STARD9: variants seen among roughly 807,000 people sequenced by gnomAD.
STARD9 encodes stAR-related lipid transfer protein 9.
In STARD9, 346 loss-of-function variants were observed where a neutral mutation model predicts 399.8. That is an observed-to-expected ratio of 0.87 (90% CI 0.79 to 0.95). STARD9 has a LOEUF of 0.95. Ranked by LOEUF, STARD9 falls within the 40% of genes least tolerant of loss-of-function variation. STARD9 has a pLI of 0.00. For synonymous variants in STARD9, 2,203 were observed against 2,143.5 expected (o/e 1.03, Z -0.77); for missense variants, 5,832 against 5,667.5 (o/e 1.03, Z -0.93).
chr15:42,601,846 A>T (rs1177479703), intron 3 of STARD9, among the ~76,000 whole-genome samples: 3 of 151,996 alleles, frequency 2.0e-5, no homozygotes, highest in Non-Finnish European at 4.4e-5. Context: ...ATTTTACTTT[A>T]TTTTATTTAT....
In STARD9 at chr15:42,684,196, C is replaced by T; in HGVS notation, c.2618C>T (p.Ser873Leu). ...PTHQTSEKTS[S>L]EEHLPQAASY... ...CACCAAACATCAGAGAAAACATCATCAGAAGAGCATTTGCCACAGGCTGCT... is the reference window on the plus strand; with the variant it reads ...CACCAAACATCAGAGAAAACATCATTAGAAGAGCATTTGCCACAGGCTGCT... The change falls in exon 23 of 33, where the codon TCA (serine) becomes TTA (leucine). Residue 873 changes from serine (S) to leucine (L), a missense_variant. Physicochemically the swap from Ser to Leu is moderately radical, Grantham distance 145 (BLOSUM62 -2). Transcript: ENST00000290607. 6.5e-7 allele frequency: 1 copy of T among 1,537,308 alleles called. No individual in the cohort carries two copies. Among genetic ancestry groups the T allele is most frequent in the Non-Finnish European group, 8.7e-7 (1 of 1,146,920 alleles).
intron 16 of STARD9, chr15:42,670,820 T>C (rs2060189170): frequency 6.6e-6 from 1 of 152,232 alleles, no homozygotes; most frequent in African/African-American, 2.4e-5. Flanking sequence ...TGAAAGTGCC[T>C]GAGGCAGAAG....
rs1341066586 is a variant in STARD9, at chr15:42,718,400, G to A, written c.13763-35G>A. Reference sequence around the variant, plus strand: ...AGGCTTTAGGACTAGGTCTGTCCATGGGCCTCCTGACCTTCCTTATCCCTG... The same window carrying A: ...AGGCTTTAGGACTAGGTCTGTCCATAGGCCTCCTGACCTTCCTTATCCCTG... On this transcript the variant is annotated intron_variant, in intron 30 of 32. Transcript: ENST00000290607. The A allele has an allele frequency of 3.3e-6, 5 of 1,506,698 alleles. No homozygotes were observed. In the African/African-American group the frequency reaches 6.9e-5, roughly 21 times the overall value. The allele number at this position is 1,506,698 out of a possible 1,614,324, so 93.3% of individuals were successfully genotyped here.
chr15:42,707,468 CTTT>C (rs544507849), intron 26 of STARD9, among the ~76,000 whole-genome samples: 71 of 134,620 alleles, frequency 5.3e-4, no homozygotes, highest in Non-Finnish European at 5.2e-4. Flanking sequence ...GAGTGAAAAA[CTTT>C]TTTTTTTTTT....
chr15:42,661,109 A>G (rs1040560227), intron 9 of STARD9, 49 bp from the exon 10 acceptor site: 1 of 1,372,584 alleles, frequency 7.3e-7, no homozygotes, highest in Non-Finnish European at 1.0e-6. Flanking sequence ...TAAGGGGAAA[A>G]CAATACAAAT....
At chr15:42,710,851 ATC>A (rs1025181815) in intron 26 of STARD9, among the ~76,000 whole-genome samples, 2 of 139,846 alleles carry the variant, frequency 1.4e-5, no homozygotes, top group African/African-American at 5.4e-5. Context: ...TCCCATTTCT[ATC>A]TCTGTCTTCA....
chr15:42,703,012 C>A (rs2140343483), intron 26 of STARD9, among the ~76,000 whole-genome samples: 1 of 152,046 alleles, frequency 6.6e-6, no homozygotes, highest in Non-Finnish European at 1.5e-5. Context: ...CCAGGCTGGT[C>A]TTGAACTTCT....
At chr15:42,701,770 T>G (rs1236394947) in intron 26 of STARD9, among the ~76,000 whole-genome samples, 2 of 151,778 alleles carry the variant, frequency 1.3e-5, no homozygotes, top group Non-Finnish European at 2.9e-5. Context: ...TGAGGCAGGC[T>G]GATCACAAAG....
rs1402411783 is a variant in STARD9 at position 42,675,677 on chromosome 15, C to CCTGGGGAAGGCA, written c.1703_1714dup (p.Leu568_Ala571dup). On this transcript the variant is annotated inframe_insertion, in exon 19 of 33. Coordinates refer to ENST00000290607, the MANE Select transcript of STARD9 (RefSeq NM_020759.3). ...TCTGTGCTGCAGGAGCTGTCATAAC[C>CCTGGGGAAGGCA]CTGGGGAAGGCACAGAAGTTCCGAT... The CCTGGGGAAGGCA allele has an allele frequency of 6.5e-7, 1 of 1,536,932 alleles. No homozygotes were observed. Among genetic ancestry groups the CCTGGGGAAGGCA allele is most frequent in the Admixed American group, 2.0e-5 (1 of 50,986 alleles).
chr15:42,585,514 A>T lies in STARD9; in HGVS notation c.118-7A>T, dbSNP rs1289246089. ...GAAAAGACACTGGATCCTATGTTTG[A>T]TTTTAGGTGGACAATCGACCAGATG... On this transcript the variant is annotated splice_region_variant and splice_polypyrimidine_tract_variant and intron_variant, in intron 2 of 32. Coordinates refer to ENST00000290607, the MANE Select transcript of STARD9 (RefSeq NM_020759.3). 1 of 1,532,946 alleles carries T rather than the reference A, an allele frequency of 6.5e-7. No individual in the cohort carries two copies. Among genetic ancestry groups the T allele is most frequent in the South Asian group, 1.2e-5 (1 of 83,942 alleles). 95.0% of individuals were successfully genotyped at this position (1,532,946 alleles called of 1,614,324 possible).
At chr15:42,632,877 G>A (rs76712048) in intron 3 of STARD9, among the ~76,000 whole-genome samples, 2,211 of 151,908 alleles carry the variant, frequency 0.015, 24 homozygotes, top group Middle Eastern at 0.034. Context: ...ACACAGTGGC[G>A]CACACCTGTA....
intron 26 of STARD9, 146 bp from the exon 27 acceptor site, chr15:42,716,531 G>C (rs1368751805): frequency 3.3e-6 from 2 of 611,400 alleles, no homozygotes; most frequent in African/African-American, 3.7e-5. Context: ...TCTTCTTTGG[G>C]GGACATCGAG....
At chr15:42,583,469 C>T (rs959290041) in intron 2 of STARD9, 54 bp downstream of exon 2, 40 of 1,289,438 alleles carry the variant, frequency 3.1e-5, no homozygotes, top group Admixed American at 6.0e-5. Context: ...AATATTGTTA[C>T]AGGGGCTTCC....
intron 12 of STARD9, 162 bp from the exon 13 acceptor site, chr15:42,663,658 T>C: frequency 1.6e-6 from 1 of 615,038 alleles, no homozygotes; most frequent in East Asian, 2.7e-5. Context: ...GAGCTGGATC[T>C]GTGTTGGGAC....
At position 42,717,972 on chromosome 15, in the gene STARD9, C is replaced by T. The variant is rs1211281898; in HGVS notation, c.13560-5C>T. 3 of 1,537,114 alleles carry T rather than the reference C, an allele frequency of 2.0e-6. No individual in the cohort carries two copies. The highest frequency in any genetic ancestry group is 2.6e-6 in the Non-Finnish European group (3 of 1,146,844). On this transcript the variant is annotated splice_polypyrimidine_tract_variant and splice_region_variant and intron_variant, in intron 29 of 32. Coordinates refer to ENST00000290607, the MANE Select transcript of STARD9 (RefSeq NM_020759.3). The stretch of plus-strand genomic sequence containing the variant: ...CTATTTTCTGTGCTTGGTGTCTCCC[C>T]CCAGCTATCAGGGTGAGGAGCAGGC...
rs772669131 is a variant in STARD9 at position 42,693,150 on chromosome 15, A to T, written c.11572A>T (p.Ser3858Cys). The T allele has an allele frequency of 2.6e-6, 4 of 1,537,076 alleles. No homozygotes were observed. The South Asian group carries it at 4.8e-5, about 18-fold the overall frequency. Residue 3858 changes from serine to cysteine, a missense_variant, in exon 23 of 33, where the codon AGT (serine) becomes TGT (cysteine). Physicochemically the swap from Ser to Cys is moderately radical, Grantham distance 112. Around this residue, in one of 2 missense-constraint regions of STARD9, gnomAD observed 5,828 missense variants for 5,651.1 expected, o/e 1.03. Coordinates refer to ENST00000290607, the MANE Select transcript of STARD9 (RefSeq NM_020759.3). The stretch of plus-strand genomic sequence containing the variant: ...GGAGTCATATTGCTTAGTTGTCAGC[A>T]GTCCCAGTCCCAGCTCCCCTCATTC... The part of the protein sequence containing the change: ...PEESYCLVVS[S>C]PSPSSPHSPG...
Position 42,718,474 on chromosome 15 carries a change from A to G in STARD9, c.13802A>G (p.Gln4601Arg). The G allele has an allele frequency of 6.5e-7, 1 of 1,537,248 alleles. No homozygotes were observed. The highest frequency in any genetic ancestry group is 8.7e-7 in the Non-Finnish European group (1 of 1,146,898). Residue 4601 changes from glutamine (Q) to arginine (R), a missense_variant, in exon 31 of 33, where the codon CAG (glutamine) becomes CGG (arginine). This residue lies in a region of STARD9 where 5,828 missense variants were observed against 5,651.1 expected (regional missense o/e 1.03). Transcript: ENST00000290607. ...VCNTTLCALKQPRDFCCVCVE... is the reference protein window; with the variant it reads ...VCNTTLCALKRPRDFCCVCVE... ...AACACCACCCTGTGCGCACTGAAGCAGCCACGGGATTTCTGTTGTGTCTGC... is the reference window on the plus strand; with the variant it reads ...AACACCACCCTGTGCGCACTGAAGCGGCCACGGGATTTCTGTTGTGTCTGC...
intron 26 of STARD9, among the ~76,000 whole-genome samples, chr15:42,706,659 A>G (rs951772497): frequency 6.6e-6 from 1 of 152,110 alleles, no homozygotes; most frequent in African/African-American, 2.4e-5. Context: ...CATGCTGGCC[A>G]GGCTCGTCTC....
At chr15:42,631,561 CAG>C (rs2059332552) in intron 3 of STARD9, among the ~76,000 whole-genome samples, 2 of 150,962 alleles carry the variant, frequency 1.3e-5, no homozygotes, top group East Asian at 3.9e-4. Context: ...GTCTGGGTGA[CAG>C]AGCGAGATTC....
Sources: gnomAD v4.1 joint callset for allele counts (sites outside exome capture counted in the v4.1 genomes callset) on GRCh38, gnomAD v4.1.1 for gene constraint, gnomAD v4.1.1 regional missense constraint, MANE v1.5 for transcripts, NCBI Gene and HGNC (gene_info 2026-07-23, HGNC 2026-07-21) for gene names.